The following PTPRM variants were observed in gnomAD, a reference collection of about 807,000 sequenced individuals.
The protein encoded by PTPRM is protein tyrosine phosphatase receptor type M, also known as receptor-type tyrosine-protein phosphatase mu.
PTPRM carries 47 observed loss-of-function variants against 186.7 expected under a neutral mutation model. The ratio of observed to expected loss-of-function variants is 0.25; its 90% CI spans 0.20 to 0.32. The LOEUF (loss-of-function observed/expected upper bound fraction) is 0.32, where lower values mean the gene tolerates loss of function less well. PTPRM is among the 10% of genes least tolerant of loss of function. PTPRM has a pLI of 1.00. For synonymous variants in PTPRM, 668 were observed against 674.9 expected, an observed-to-expected ratio of 0.99 and a Z score of 0.16; for missense variants, 1,494 against 1,865.0, an observed-to-expected ratio of 0.80 and a Z score of 3.66.
intron 1 of PTPRM, among the ~76,000 whole-genome samples, chr18:7,616,302 C>T (rs139594085): frequency 6.6e-6 from 1 of 152,222 alleles, no homozygotes; most frequent in Non-Finnish European, 1.5e-5. Flanking sequence ...GGACTACAGG[C>T]ATAGTGCCAC....
At chr18:7,706,962 G>A (rs1207956712) in intron 1 of PTPRM, among the ~76,000 whole-genome samples, 1 of 152,088 alleles carries the variant, frequency 6.6e-6, no homozygotes, top group East Asian at 1.9e-4. Context: ...TCCAGATTGG[G>A]GGATAGGGGT....
intron 1 of PTPRM, among the ~76,000 whole-genome samples, chr18:7,702,594 C>T (rs2144719818): frequency 6.6e-6 from 1 of 152,196 alleles, no homozygotes; most frequent in Non-Finnish European, 1.5e-5. Flanking sequence ...TGGATATTAG[C>T]CCTTTGTCAG....
intron 2 of PTPRM, among the ~76,000 whole-genome samples, chr18:7,885,503 C>T (rs2048739235): frequency 6.6e-6 from 1 of 152,294 alleles, no homozygotes; most frequent in East Asian, 1.9e-4. Flanking sequence ...TGCCCCTCAT[C>T]ACTTCACAAC....
chr18:7,677,036 C>CT (rs1486783172), intron 1 of PTPRM, among the ~76,000 whole-genome samples: 1 of 152,060 alleles, frequency 6.6e-6, no homozygotes, highest in Non-Finnish European at 1.5e-5. Context: ...TTCCTCTGAC[C>CT]TTTTTTTAGA....
At chr18:7,915,940 C>A (rs2050530121) in intron 4 of PTPRM, among the ~76,000 whole-genome samples, 1 of 152,168 alleles carries the variant, frequency 6.6e-6, no homozygotes. Flanking sequence ...GAAAGTTTGA[C>A]TTTCATGTTC....
intron 19 of PTPRM, among the ~76,000 whole-genome samples, chr18:8,278,771 T>C (rs1318204401): frequency 6.6e-6 from 1 of 152,204 alleles, no homozygotes; most frequent in Non-Finnish European, 1.5e-5. Flanking sequence ...GATGCTCTGC[T>C]ACAAGTCTGC....
intron 1 of PTPRM, among the ~76,000 whole-genome samples, chr18:7,689,523 C>T (rs957831812): frequency 2.0e-5 from 3 of 152,320 alleles, no homozygotes; most frequent in East Asian, 1.9e-4. Context: ...ATGACATCTA[C>T]GCTAGGGTTA....
chr18:7,870,223 T>C (rs2146171981), intron 2 of PTPRM, among the ~76,000 whole-genome samples: 1 of 152,338 alleles, frequency 6.6e-6, no homozygotes, highest in East Asian at 1.9e-4. Context: ...TAAGGCCATG[T>C]TGAAAAACAT....
At chr18:8,207,839 T>A (rs1245381425) in intron 14 of PTPRM, among the ~76,000 whole-genome samples, 1 of 152,218 alleles carries the variant, frequency 6.6e-6, no homozygotes, top group Non-Finnish European at 1.5e-5. Flanking sequence ...AATCAGTAAA[T>A]GCCAGTGTTA....
At chr18:8,136,328 C>T (rs1403187340) in intron 13 of PTPRM, among the ~76,000 whole-genome samples, 1 of 152,126 alleles carries the variant, frequency 6.6e-6, no homozygotes, top group Non-Finnish European at 1.5e-5. Context: ...ACTATTTCAT[C>T]AAAATAGTAA....
chr18:8,203,285 C>T (rs1601192436), intron 14 of PTPRM, among the ~76,000 whole-genome samples: 2 of 152,112 alleles, frequency 1.3e-5, no homozygotes, highest in Non-Finnish European at 2.9e-5. Flanking sequence ...AGCTAGAAAT[C>T]AGAGAAGTAT....
Position 7,785,535 on chromosome 18 carries a change from G to T in PTPRM, c.196+11264G>T, listed in dbSNP as rs148643455. Among the ~76,000 whole-genome samples the T allele has an allele frequency of 3.2e-3, 490 of 152,250 alleles. 5 individuals are homozygous for T. Among genetic ancestry groups the T allele is most frequent in the African/African-American group, 0.011 (443 of 41,552 alleles). Reference sequence around the variant, plus strand: ...TGTGCGTTTATTACTTAATTTTTCTGTACTTTTGAAGCTAAGCAAAATTTG... The same window carrying T: ...TGTGCGTTTATTACTTAATTTTTCTTTACTTTTGAAGCTAAGCAAAATTTG... On this transcript the variant is annotated intron_variant, in intron 2 of 32. Transcript: ENST00000580170.
At chr18:7,921,347 C>T (rs1263431293) in intron 4 of PTPRM, among the ~76,000 whole-genome samples, 2 of 150,218 alleles carry the variant, frequency 1.3e-5, no homozygotes, top group African/African-American at 4.9e-5. Context: ...GTTTCCTCTG[C>T]TTGACCCATT....
At chr18:7,796,225 T>G (rs1026400649) in intron 2 of PTPRM, among the ~76,000 whole-genome samples, 3 of 152,038 alleles carry the variant, frequency 2.0e-5, no homozygotes, top group Non-Finnish European at 4.4e-5. Flanking sequence ...CACTGGTGAT[T>G]GGCTGAACCT....
chr18:7,981,578 G>A (rs945453459), intron 7 of PTPRM, among the ~76,000 whole-genome samples: 1 of 152,196 alleles, frequency 6.6e-6, no homozygotes, highest in Admixed American at 6.5e-5. Flanking sequence ...TTGCCCCGGA[G>A]GAATGACTGT....
In PTPRM at chr18:8,076,484, C is replaced by T. The variant is rs1465033358; in HGVS notation, c.1471C>T (p.Gln491Ter). ...AGGTGCTGTTCCCACTGAATCCATACAAGGAAGTACCTTTGAAGAGAAGAT... is the reference window on the plus strand; with the variant it reads ...AGGTGCTGTTCCCACTGAATCCATATAAGGAAGTACCTTTGAAGAGAAGAT... ...LPGAVPTESI[Q>*]GSTFEEKIFL... The change falls in exon 9 of 33, where the codon CAA becomes TAA. Residue 491 changes from glutamine (Q) to a stop codon, truncating the protein, a stop_gained. Coordinates refer to ENST00000580170, the MANE Select transcript of PTPRM (RefSeq NM_001105244.2). LOFTEE classifies it high-confidence loss of function. 6.2e-7 allele frequency: 1 copy of T among 1,608,840 alleles called. No individual in the cohort carries two copies. The highest frequency in any genetic ancestry group is 1.7e-5 in the Admixed American group (1 of 59,684).
intron 1 of PTPRM, among the ~76,000 whole-genome samples, chr18:7,705,679 C>A (rs897805694): frequency 4.0e-5 from 6 of 151,386 alleles, no homozygotes; most frequent in African/African-American, 1.5e-4. Flanking sequence ...AGATGAATTT[C>A]TTTCTTTCTC....
intron 19 of PTPRM, among the ~76,000 whole-genome samples, chr18:8,256,582 A>G (rs546027231): frequency 1.8e-4 from 27 of 152,324 alleles, no homozygotes; most frequent in Non-Finnish European, 2.8e-4. Context: ...GTTTCAGTAA[A>G]ACTCTCATCT....
intron 2 of PTPRM, among the ~76,000 whole-genome samples, chr18:7,885,811 A>T (rs2048754989): frequency 6.6e-6 from 1 of 152,164 alleles, no homozygotes; most frequent in Admixed American, 6.5e-5. Context: ...AGCAGAGTGG[A>T]TTTAGCATTG....
Sources: allele counts gnomAD v4.1 joint callset (sites outside exome capture counted in the v4.1 genomes callset), GRCh38; gene constraint gnomAD v4.1.1; transcripts MANE v1.5; gene names NCBI Gene and HGNC (gene_info 2026-07-23, HGNC 2026-07-21).